KPNA7: variants seen among roughly 807,000 people sequenced by gnomAD.
KPNA7 encodes karyopherin subunit alpha 7, also known as importin subunit alpha-8.
A neutral mutation model predicts 53.7 loss-of-function variants in KPNA7; 54 were observed. The ratio of observed to expected loss-of-function variants is 1.01; its 90% CI spans 0.81 to 1.26. KPNA7 has a LOEUF of 1.26. KPNA7 is among the 50% of genes most tolerant of loss of function. The pLI is 0.00. For synonymous variants in KPNA7, 276 were observed against 259.3 expected (o/e 1.06, Z -0.62); for missense variants, 640 against 644.5 (o/e 0.99, Z 0.07).
At chr7:99,174,081 C>T (rs1341732618) in intron 10 of KPNA7, among the ~76,000 whole-genome samples, 2 of 152,156 alleles carry the variant, frequency 1.3e-5, no homozygotes, top group African/African-American at 4.8e-5. Context: ...AGGTGAGCAG[C>T]AGGCCAGCAA....
At position 99,195,155 on chromosome 7, in the gene KPNA7, T is replaced by TCCC. The variant is rs754954968; in HGVS notation, c.465_467dup (p.Gly156dup). 5.8e-6 allele frequency: 9 copies of TCCC among 1,551,220 alleles called. No homozygotes were observed. Among genetic ancestry groups the TCCC allele is most frequent in the African/African-American group, 2.7e-5 (2 of 72,894 alleles). On this transcript the variant is annotated inframe_insertion, in exon 5 of 11. Coordinates refer to ENST00000327442, the MANE Select transcript of KPNA7 (RefSeq NM_001145715.3). ...GGAGCTCAATCAAGGGCTGGATGGC[T>TCCC]CCCCCTTCTACCACGGCACGAGTCT...
intron 8 of KPNA7, among the ~76,000 whole-genome samples, chr7:99,183,296 T>C (rs1789376929): frequency 6.6e-6 from 1 of 152,122 alleles, no homozygotes; most frequent in South Asian, 2.1e-4. Context: ...ATTTATAAAA[T>C]GCACTTGGCC....
At chr7:99,167,496 A>C in the KPNA7 span, among the ~76,000 whole-genome samples, 1 of 152,002 alleles carries the variant, frequency 6.6e-6, no homozygotes, top group East Asian at 1.9e-4. Context: ...GGGTCAAAAA[A>C]AGCTGGAGTA....
At chr7:99,214,496 T>C (rs1014587373) in intron 1 of KPNA7, among the ~76,000 whole-genome samples, 1 of 145,494 alleles carries the variant, frequency 6.9e-6, no homozygotes, top group Non-Finnish European at 1.5e-5. Context: ...GTTGTGGTGG[T>C]GTGCACCTGT....
intron 1 of KPNA7, among the ~76,000 whole-genome samples, chr7:99,207,692 GT>G (rs1046861311): frequency 7.1e-6 from 1 of 141,476 alleles, no homozygotes; most frequent in Non-Finnish European, 1.5e-5. Context: ...CTTGAGTGCA[GT>G]GGGGGGATAT....
chr7:99,218,981 C>T (rs1791282307), intron 1 of KPNA7, among the ~76,000 whole-genome samples: 2 of 152,264 alleles, frequency 1.3e-5, no homozygotes, highest in South Asian at 2.1e-4. Flanking sequence ...CAGCCTCCAG[C>T]CCCTTGGTCA....
intron 9 of KPNA7, among the ~76,000 whole-genome samples, chr7:99,179,610 A>T (rs1389217146): frequency 1.3e-5 from 2 of 151,652 alleles, no homozygotes; most frequent in Admixed American, 6.6e-5. Flanking sequence ...TTAGAGACAG[A>T]CTCTTGCTCT....
chr7:99,176,312 AGAAAG>A (rs143774407), intron 10 of KPNA7, among the ~76,000 whole-genome samples: 191 of 118,322 alleles, frequency 1.6e-3, no homozygotes, highest in South Asian at 3.1e-3. Context: ...AAAAAAAAAA[AGAAAG>A]AAAGAAAGAA....
At chr7:99,189,484 G>T (rs1303460627) in intron 6 of KPNA7, among the ~76,000 whole-genome samples, 1 of 152,028 alleles carries the variant, frequency 6.6e-6, no homozygotes, top group Non-Finnish European at 1.5e-5. Context: ...ACTCCCACCA[G>T]TAAGGAAACA....
At chr7:99,194,812 C>T (rs1790142680) in intron 5 of KPNA7, among the ~76,000 whole-genome samples, 1 of 152,130 alleles carries the variant, frequency 6.6e-6, no homozygotes, top group South Asian at 2.1e-4. Flanking sequence ...ACCATGTTGG[C>T]CAGGCTGGTC....
intron 5 of KPNA7, 96 bp downstream of exon 5, chr7:99,194,974 T>C: frequency 7.3e-7 from 1 of 1,365,908 alleles, no homozygotes; most frequent in East Asian, 2.5e-5. Flanking sequence ...GGCAAAGTGT[T>C]CTGGGACATC....
At chr7:99,185,775 AT>A (rs1789552438) in intron 7 of KPNA7, among the ~76,000 whole-genome samples, 1 of 151,206 alleles carries the variant, frequency 6.6e-6, no homozygotes, top group Non-Finnish European at 1.5e-5. Context: ...CAAATGCTAA[AT>A]TGACGATAGT....
chr7:99,154,372 G>A, the KPNA7 span, among the ~76,000 whole-genome samples: 541 of 151,902 alleles, frequency 3.6e-3, 2 homozygotes, highest in Non-Finnish European at 4.8e-3. Context: ...CAAGCAATCC[G>A]CCCACCTTGG....
chr7:99,172,943 G>A (rs1265244797), downstream of KPNA7, among the ~76,000 whole-genome samples: 1 of 150,674 alleles, frequency 6.6e-6, no homozygotes, highest in Non-Finnish European at 1.5e-5. Flanking sequence ...GGCACCTATA[G>A]TCCCAGCTAT....
intron 6 of KPNA7, among the ~76,000 whole-genome samples, chr7:99,190,433 G>GT (rs929309802): frequency 9.2e-5 from 14 of 152,150 alleles, no homozygotes; most frequent in African/African-American, 2.6e-4. Context: ...CAAATTAGCT[G>GT]TTTCTACTTA....
At chr7:99,216,454 T>C (rs1484015937) in intron 1 of KPNA7, among the ~76,000 whole-genome samples, 1 of 152,204 alleles carries the variant, frequency 6.6e-6, no homozygotes, top group African/African-American at 2.4e-5. Flanking sequence ...CCAGCTCAGC[T>C]GCTCCCTATA....
the KPNA7 span, among the ~76,000 whole-genome samples, chr7:99,158,291 A>G: frequency 6.6e-6 from 1 of 152,030 alleles, no homozygotes; most frequent in African/African-American, 2.4e-5. Flanking sequence ...AAACTGGATC[A>G]GTTTTCTTCT....
chr7:99,173,786 ATCT>A lies in KPNA7; in HGVS notation c.1470_1472del (p.Glu490del), dbSNP rs1798814571. ...CTTGGCTCAGTAAAGTTTGGCTCTC[ATCT>A]TCTTCCTTCAGGAGAGAATAGACAC... On this transcript the variant is annotated inframe_deletion, in exon 11 of 11. Transcript: ENST00000327442. 4 of 1,543,306 alleles carry A rather than the reference ATCT, an allele frequency of 2.6e-6. No homozygotes were observed. In the East Asian group the frequency reaches 7.3e-5, roughly 28 times the overall value.
the KPNA7 span, among the ~76,000 whole-genome samples, chr7:99,152,252 C>T: frequency 1.8e-4 from 27 of 151,752 alleles, no homozygotes; most frequent in African/African-American, 5.3e-4. Flanking sequence ...ATCCCAGTTA[C>T]ACGGGAGGCT....
Sources: allele counts gnomAD v4.1 joint callset (sites outside exome capture counted in the v4.1 genomes callset), GRCh38; gene constraint gnomAD v4.1.1; transcripts MANE v1.5; gene names NCBI Gene and HGNC (gene_info 2026-07-23, HGNC 2026-07-21).